SSH2: variants seen among roughly 807,000 people sequenced by gnomAD.
SSH2 encodes protein phosphatase Slingshot homolog 2.
Under a neutral mutation model 135.2 loss-of-function variants are expected in SSH2, and 37 were observed. The ratio of observed to expected loss-of-function variants is 0.27; its 90% CI spans 0.21 to 0.36. The LOEUF (loss-of-function observed/expected upper bound fraction) is 0.36. Among genes scored for constraint, SSH2 ranks in the 10% least tolerant of loss-of-function variants. SSH2 has a pLI of 1.00. For synonymous variants in SSH2, 628 were observed against 646.2 expected (o/e 0.97, Z 0.43); for missense variants, 1,408 against 1,765.3 (o/e 0.80, Z 3.63).
Position 29,631,757 on chromosome 17 carries a change from C to T in SSH2, c.3437G>A (p.Ser1146Asn), listed in dbSNP as rs1328234439. The change falls in exon 16 of 16, where the codon AGT (serine) becomes AAT (asparagine). Residue 1146 changes from serine (S) to asparagine (N), a missense_variant. Coordinates refer to ENST00000540801, the MANE Select transcript of SSH2 (RefSeq NM_001282129.2). ...TALETAAPFV[S>N]HTTHLLSASL... is the part of the protein sequence containing the mutation. ...GGCAGACAGTAAATGGGTTGTATGA[C>T]TGACAAAAGGTGCTGCTGTCTCCAG... 1 of 1,614,206 alleles carries T rather than the reference C, an allele frequency of 6.2e-7. No homozygotes were observed. The highest frequency in any genetic ancestry group is 1.1e-5 in the South Asian group (1 of 91,088).
chr17:29,789,886 T>C (rs913417194), intron 3 of SSH2, among the ~76,000 whole-genome samples: 1 of 152,212 alleles, frequency 6.6e-6, no homozygotes, highest in African/African-American at 2.4e-5. Flanking sequence ...CCTTTTGAGA[T>C]AGGAAATCTA....
chr17:29,918,291 T>G (rs1229962843), intron 1 of SSH2, among the ~76,000 whole-genome samples: 1 of 152,104 alleles, frequency 6.6e-6, no homozygotes, highest in Non-Finnish European at 1.5e-5. Flanking sequence ...TCTGACAAAG[T>G]TCAAATCCCA....
At chr17:29,785,470 A>G (rs1478986091) in intron 3 of SSH2, among the ~76,000 whole-genome samples, 3 of 145,186 alleles carry the variant, frequency 2.1e-5, no homozygotes, top group Non-Finnish European at 4.5e-5. Context: ...TACAGTTAAT[A>G]TGTTTGAATA....
chr17:29,727,473 A>C (rs1211161322), intron 3 of SSH2, among the ~76,000 whole-genome samples: 1 of 152,230 alleles, frequency 6.6e-6, no homozygotes, highest in Non-Finnish European at 1.5e-5. Context: ...CCCTAGTTCT[A>C]AAATCAGTAG....
intron 2 of SSH2, among the ~76,000 whole-genome samples, chr17:29,794,547 T>C (rs758447509): frequency 5.3e-5 from 8 of 152,188 alleles, no homozygotes; most frequent in Non-Finnish European, 8.8e-5. Context: ...ATAGGATAAA[T>C]CAATGTCATA....
chr17:29,684,483 T>TAAAA (rs11307211), intron 6 of SSH2, 80 bp downstream of exon 6: 30 of 956,370 alleles, frequency 3.1e-5, no homozygotes, highest in African/African-American at 9.8e-5. Flanking sequence ...CCGTCCCCAT[T>TAAAA]AAAAAAAAAA....
chr17:29,902,618 G>C (rs1217292006), intron 1 of SSH2, among the ~76,000 whole-genome samples: 1 of 151,740 alleles, frequency 6.6e-6, no homozygotes, highest in African/African-American at 2.4e-5. Context: ...AGGAAAAAAA[G>C]GTATCCAGTT....
At chr17:29,743,949 T>C (rs2040663505) in intron 3 of SSH2, among the ~76,000 whole-genome samples, 1 of 150,964 alleles carries the variant, frequency 6.6e-6, no homozygotes, top group Non-Finnish European at 1.5e-5. Context: ...AAAACGCTTT[T>C]ATTTGGTCCA....
intron 2 of SSH2, among the ~76,000 whole-genome samples, chr17:29,810,828 A>C (rs1208664755): frequency 6.6e-6 from 1 of 152,194 alleles, no homozygotes; most frequent in Non-Finnish European, 1.5e-5. Context: ...CAACACCCTA[A>C]AAATCCCTTT....
At chr17:29,808,421 A>G (rs1053508526) in intron 2 of SSH2, among the ~76,000 whole-genome samples, 1 of 152,110 alleles carries the variant, frequency 6.6e-6, no homozygotes, top group African/African-American at 2.4e-5. Flanking sequence ...GAGCCACCAC[A>G]GCCGGCCTAA....
intron 3 of SSH2, chr17:29,761,442 C>A: frequency 1.0e-6 from 1 of 995,920 alleles, no homozygotes; most frequent in Non-Finnish European, 1.2e-6. Flanking sequence ...TGACGGGCGT[C>A]GCCAGCAGTT....
At chr17:29,812,036 G>A (rs1483855175) in intron 2 of SSH2, among the ~76,000 whole-genome samples, 1 of 151,820 alleles carries the variant, frequency 6.6e-6, no homozygotes, top group Non-Finnish European at 1.5e-5. Flanking sequence ...GGGAGCAAGT[G>A]GTAATACTTA....
chr17:29,701,017 C>T (rs2038954711), intron 4 of SSH2, among the ~76,000 whole-genome samples: 1 of 151,968 alleles, frequency 6.6e-6, no homozygotes, highest in South Asian at 2.1e-4. Flanking sequence ...GTCGCCCAGG[C>T]TGGAGTGCAG....
chr17:29,743,680 T>TA (rs2040646737), intron 3 of SSH2, among the ~76,000 whole-genome samples: 3 of 152,044 alleles, frequency 2.0e-5, no homozygotes, highest in South Asian at 4.1e-4. Flanking sequence ...GGGGAAACAA[T>TA]AAAAAAAGTA....
chr17:29,669,195 G>A (rs1308418889), intron 9 of SSH2, among the ~76,000 whole-genome samples: 6 of 152,062 alleles, frequency 3.9e-5, no homozygotes, highest in Admixed American at 3.9e-4. Context: ...GTTGCAGTGA[G>A]CCGAGATAGT....
intron 2 of SSH2, among the ~76,000 whole-genome samples, chr17:29,807,124 A>G (rs2042360015): frequency 6.6e-6 from 1 of 152,268 alleles, no homozygotes; most frequent in African/African-American, 2.4e-5. Context: ...AGAAATAAGG[A>G]CGAAGAACAT....
intron 3 of SSH2, among the ~76,000 whole-genome samples, chr17:29,719,621 T>C (rs1342989294): frequency 2.2e-5 from 3 of 139,356 alleles, no homozygotes; most frequent in Non-Finnish European, 4.6e-5. Flanking sequence ...ACAACCACTA[T>C]CTTAAAACAA....
chr17:29,832,611 C>T (rs553650965), intron 2 of SSH2, among the ~76,000 whole-genome samples: 39 of 152,196 alleles, frequency 2.6e-4, no homozygotes, highest in Admixed American at 1.2e-3. Context: ...TTACTGATTT[C>T]TAGTTTTATT....
At chr17:29,864,689 TTTTG>T (rs774164556) in intron 1 of SSH2, among the ~76,000 whole-genome samples, 1 of 119,102 alleles carries the variant, frequency 8.4e-6, no homozygotes, top group Non-Finnish European at 2.0e-5. Flanking sequence ...CTTGAGGTAG[TTTTG>T]TTTGTTTTTT....
Sources: gnomAD v4.1 joint callset for allele counts (sites outside exome capture counted in the v4.1 genomes callset) on GRCh38, gnomAD v4.1.1 for gene constraint, MANE v1.5 for transcripts, NCBI Gene and HGNC (gene_info 2026-07-23, HGNC 2026-07-21) for gene names.